TAFA2: variants seen among roughly 807,000 people sequenced by gnomAD.
The protein encoded by TAFA2 is chemokine-like protein TAFA-2.
A neutral mutation model predicts 18.8 loss-of-function variants in TAFA2; 7 were observed. The observed-to-expected ratio is 0.37, with a 90% CI of 0.21 to 0.70. The LOEUF is 0.70. Among genes scored for constraint, TAFA2 ranks in the 30% least tolerant of loss-of-function variants. The pLI is 0.53. For missense variants in TAFA2, 122 were observed against 158.1 expected (o/e 0.77, Z 1.23); for synonymous variants, 60 against 54.2 (o/e 1.11, Z -0.47).
At chr12:62,130,395 G>A (rs1870633110) in intron 1 of TAFA2, among the ~76,000 whole-genome samples, 1 of 152,006 alleles carries the variant, frequency 6.6e-6, no homozygotes, top group South Asian at 2.1e-4. Context: ...TAATGAAATT[G>A]AAATACACAA....
chr12:62,092,219 C>T (rs9739658), intron 1 of TAFA2, among the ~76,000 whole-genome samples: 28,223 of 151,786 alleles, frequency 0.19, 2,877 homozygotes, highest in East Asian at 0.39. Context: ...ACAGATTGTC[C>T]TATTAAACCA....
chr12:61,807,143 G>T (rs190686258), intron 2 of TAFA2, among the ~76,000 whole-genome samples: 32 of 151,434 alleles, frequency 2.1e-4, no homozygotes, highest in South Asian at 1.9e-3. Context: ...AGGCCAGGAG[G>T]TCTAGGAGGA....
At chr12:61,880,293 T>C in intron 1 of TAFA2, 1 of 479,064 alleles carries the variant, frequency 2.1e-6, no homozygotes. Flanking sequence ...ATCAAGGGCC[T>C]CAAAGGCCAG....
At chr12:61,732,323 T>C (rs1311773917) in intron 4 of TAFA2, among the ~76,000 whole-genome samples, 1 of 152,114 alleles carries the variant, frequency 6.6e-6, no homozygotes, top group African/African-American at 2.4e-5. Flanking sequence ...GGTTTGTTCA[T>C]TTGTCTGTTT....
chr12:62,113,577 T>A (rs1869829848), intron 1 of TAFA2, among the ~76,000 whole-genome samples: 1 of 152,208 alleles, frequency 6.6e-6, no homozygotes, highest in African/African-American at 2.4e-5. Flanking sequence ...TCAAGTCTGC[T>A]GAAGCTGCGC....
intron 1 of TAFA2, among the ~76,000 whole-genome samples, chr12:62,002,318 A>C (rs371777675): frequency 6.6e-6 from 1 of 152,170 alleles, no homozygotes; most frequent in South Asian, 2.1e-4. Flanking sequence ...CTTTCCTTAC[A>C]AATAGCCCCC....
intron 1 of TAFA2, among the ~76,000 whole-genome samples, chr12:62,083,269 G>A (rs117676484): frequency 0.011 from 1,696 of 151,742 alleles, 24 homozygotes; most frequent in South Asian, 0.026. Flanking sequence ...TCTTTGGGTG[G>A]AAAATGCACT....
chr12:62,016,006 C>A (rs1440693718), intron 1 of TAFA2, among the ~76,000 whole-genome samples: 1 of 152,036 alleles, frequency 6.6e-6, no homozygotes, highest in East Asian at 1.9e-4. Context: ...GTAATGCCAC[C>A]AAATTGTACA....
At chr12:61,877,761 A>G (rs1366941414) in intron 1 of TAFA2, among the ~76,000 whole-genome samples, 1 of 152,150 alleles carries the variant, frequency 6.6e-6, no homozygotes, top group Non-Finnish European at 1.5e-5. Context: ...TTTAACCAGT[A>G]ATCCCTGAGT....
intron 1 of TAFA2, among the ~76,000 whole-genome samples, chr12:61,936,756 C>A (rs1022423009): frequency 1.3e-5 from 2 of 152,040 alleles, no homozygotes; most frequent in Non-Finnish European, 2.9e-5. Flanking sequence ...AGAATTGGTA[C>A]AAGACAAGGA....
intron 1 of TAFA2, chr12:62,234,829 C>A: frequency 1.9e-6 from 2 of 1,031,454 alleles, no homozygotes; most frequent in East Asian, 5.1e-5. Flanking sequence ...GGCTGACTTA[C>A]GAGAGTCCTG....
chr12:61,843,580 T>G (rs12813362), intron 2 of TAFA2, among the ~76,000 whole-genome samples: 15,508 of 152,026 alleles, frequency 0.1, 1,087 homozygotes, highest in East Asian at 0.2. Flanking sequence ...AAAAGAGATC[T>G]CAAAGATGAG....
intron 2 of TAFA2, among the ~76,000 whole-genome samples, chr12:61,841,719 T>C (rs1873190947): frequency 6.6e-6 from 1 of 152,058 alleles, no homozygotes; most frequent in African/African-American, 2.4e-5. Flanking sequence ...TTGTATTATA[T>C]ATTTCAAAAT....
rs1049311062 is a variant in TAFA2 at position 62,059,111 on chromosome 12, T to A, written c.-2+132148A>T. 1.3e-3 allele frequency among the ~76,000 whole-genome samples: 113 copies of A among 84,574 alleles called. 1 individual carries two copies. Among genetic ancestry groups the A allele is most frequent in the African/African-American group, 3.5e-3 (86 of 24,274 alleles). 55.5% of individuals were successfully genotyped at this position (84,574 alleles called of 152,430 possible). On this transcript the variant is annotated intron_variant, in intron 1 of 4. Transcript: ENST00000416284. ...GACCAAGACTCCGTCTCAAAAAAAATAATAATAATATATATATATGTGTGT... is the reference window on the plus strand; with the variant it reads ...GACCAAGACTCCGTCTCAAAAAAAAAAATAATAATATATATATATGTGTGT...
At chr12:62,250,905 G>C (rs530031341) in intron 1 of TAFA2, among the ~76,000 whole-genome samples, 3 of 146,470 alleles carry the variant, frequency 2.0e-5, no homozygotes, top group Non-Finnish European at 4.7e-5. Flanking sequence ...GAGATATGTG[G>C]AACAGACCAG....
At chr12:62,236,787 C>A (rs558260267) in intron 1 of TAFA2, among the ~76,000 whole-genome samples, 1 of 152,316 alleles carries the variant, frequency 6.6e-6, no homozygotes, top group South Asian at 2.1e-4. Flanking sequence ...TTCCTCCTGG[C>A]AAGTTGCTTT....
Position 61,798,975 on chromosome 12 carries a change from A to C in TAFA2, c.107-43951T>G, listed in dbSNP as rs138662168. 2.2e-4 allele frequency among the ~76,000 whole-genome samples: 34 copies of C among 152,362 alleles called. 1 individual carries two copies. The East Asian group carries it at 6.6e-3, about 29-fold the overall frequency. ...CAAGTGCCAATAGTTTGAACTCAGC[A>C]AGAAGCAGCACATCTTAGAATAGCT... On this transcript the variant is annotated intron_variant, in intron 2 of 4. Transcript: ENST00000416284.
chr12:62,206,220 T>C (rs1694702097), intron 1 of TAFA2, among the ~76,000 whole-genome samples: 1 of 152,170 alleles, frequency 6.6e-6, no homozygotes, highest in South Asian at 2.1e-4. Context: ...AGCCTAGATA[T>C]TTAACATGGA....
At chr12:61,972,131 A>C (rs1431779338) in intron 1 of TAFA2, among the ~76,000 whole-genome samples, 1 of 151,644 alleles carries the variant, frequency 6.6e-6, no homozygotes, top group Non-Finnish European at 1.5e-5. Flanking sequence ...CAGGATGTGC[A>C]GGTTTGTTAT....
Sources: allele counts gnomAD v4.1 joint callset (sites outside exome capture counted in the v4.1 genomes callset), GRCh38; gene constraint gnomAD v4.1.1; transcripts MANE v1.5; gene names NCBI Gene and HGNC (gene_info 2026-07-23, HGNC 2026-07-21).